Variants in TRIM43 observed in about 807,000 individuals in gnomAD.
TRIM43 encodes tripartite motif containing 43.
Under a neutral mutation model 27.7 loss-of-function variants are expected in TRIM43, and 12 were observed. That is an observed-to-expected ratio of 0.43 (90% CI 0.28 to 0.70). The LOEUF is 0.70. TRIM43 is among the 30% of genes least tolerant of loss of function. The pLI, the probability that TRIM43 is intolerant of heterozygous loss-of-function variation, is 0.17. For synonymous variants in TRIM43, 64 were observed against 121.9 expected, an observed-to-expected ratio of 0.52 and a Z score of 3.13; for missense variants, 186 against 356.5, an observed-to-expected ratio of 0.52 and a Z score of 3.85.
At chr2:95,593,749 T>TA (rs1685299472) in intron 1 of TRIM43, among the ~76,000 whole-genome samples, 1 of 151,800 alleles carries the variant, frequency 6.6e-6, no homozygotes, top group Non-Finnish European at 1.5e-5. Flanking sequence ...TGGTGGATAC[T>TA]AACACCTCAA....
At chr2:95,595,007 G>A (rs1685329249) in intron 2 of TRIM43, 43 bp from the exon 3 acceptor site, 3 of 1,587,110 alleles carry the variant, frequency 1.9e-6, no homozygotes, top group Admixed American at 1.7e-5. Flanking sequence ...TGGAATCTTT[G>A]GCATTTGACT....
In TRIM43 at chr2:95,595,133, C is replaced by A. The variant is rs771563970; in HGVS notation, c.495C>A (p.Ala165=). 1 of 1,611,792 alleles carries A rather than the reference C, an allele frequency of 6.2e-7. No individual in the cohort carries two copies. The highest frequency in any genetic ancestry group is 8.5e-7 in the Non-Finnish European group (1 of 1,178,884). ...QRNLYEEGRT[A]FLWRGNVVLR... Reference sequence around the variant, plus strand: ...ATCTATATGAGGAGGGAAGAACAGCCTTCCTCTGGAGGGTAAGTATGAGAC... The same window carrying A: ...ATCTATATGAGGAGGGAAGAACAGCATTCCTCTGGAGGGTAAGTATGAGAC... The change falls in exon 3 of 7, where the codon GCC becomes GCA. Residue 165 remains alanine, a synonymous_variant. Transcript: ENST00000272395.
At chr2:95,592,445 T>G (rs1475227198) in intron 1 of TRIM43, among the ~76,000 whole-genome samples, 1 of 151,740 alleles carries the variant, frequency 6.6e-6, no homozygotes, top group African/African-American at 2.4e-5. Context: ...CTTGGCTCAC[T>G]GCAACCTCCG....
At position 95,596,339 on chromosome 2, in the gene TRIM43, T is replaced by C. The variant is rs1685354575; in HGVS notation, c.645T>C (p.Ser215=). The C allele has an allele frequency of 6.2e-7, 1 of 1,607,068 alleles. No individual in the cohort carries two copies. The highest frequency in any genetic ancestry group is 8.5e-7 in the Non-Finnish European group (1 of 1,176,452). ...AGATTTTTCAGCAACTCCAGAGAAG[T>C]TGGGTCAAAATGGATCAAAAGAGTA... ...YQEIFQQLQR[S]WVKMDQKSKH... Residue 215 remains serine (S), a synonymous_variant, in exon 4 of 7, where the codon AGT becomes AGC. Transcript: ENST00000272395.
rs930747562 is a variant in TRIM43, at chr2:95,595,424, G to A, written c.507+279G>A. On this transcript the variant is annotated intron_variant, in intron 3 of 6. Transcript: ENST00000272395. ...TTCTGTATAAAATTAATTATGAAAT[G>A]TTGATTAAATAGTATATAATTGAGA... Among the ~76,000 whole-genome samples, 9 of 151,698 alleles carry A rather than the reference G, an allele frequency of 5.9e-5. 1 individual carries two copies. The South Asian group carries it at 6.2e-4, about 11-fold the overall frequency.
chr2:95,596,419 T>C lies in TRIM43; in HGVS notation c.725T>C (p.Val242Ala), dbSNP rs377272746. 15 of 1,601,772 alleles carry C rather than the reference T, an allele frequency of 9.4e-6. 2 individuals are homozygous for C. Among genetic ancestry groups the C allele is most frequent in the Non-Finnish European group, 1.0e-5 (12 of 1,172,336 alleles). ...ATGGAAATGTGTCATAAACCAGATG[T>C]GGAGCTGCTCCAGGTAAGAATGGAG... ...ELMEMCHKPD[V>A]ELLQDLGDIV... is the part of the protein sequence containing the mutation. Residue 242 changes from valine (V) to alanine (A), a missense_variant, in exon 4 of 7, where the codon GTG (valine) becomes GCG (alanine). Physicochemically the swap from Val to Ala is moderately conservative, Grantham distance 64. Transcript: ENST00000272395.
chr2:95,593,196 G>A lies in TRIM43; in HGVS notation c.-4-824G>A, dbSNP rs533523434. Among the ~76,000 whole-genome samples, 78 of 152,012 alleles carry A rather than the reference G, an allele frequency of 5.1e-4. 1 individual carries two copies. The highest frequency in any genetic ancestry group is 1.7e-3 in the African/African-American group (70 of 41,450). ...GCTCGGATTACAGGCGTGAGCCACC[G>A]TGCCCGGCCTCTAGTGCCTGTTATT... On this transcript the variant is annotated intron_variant, in intron 1 of 6. Transcript: ENST00000272395.
rs921835389 is a variant in TRIM43, at chr2:95,595,084, A to C, written c.446A>C (p.Lys149Thr). 2.4e-5 allele frequency: 39 copies of C among 1,612,188 alleles called. No homozygotes were observed. Among genetic ancestry groups the C allele is most frequent in the Non-Finnish European group, 3.2e-5 (38 of 1,178,964 alleles). The stretch of plus-strand genomic sequence containing the variant: ...TTAAAGCAAATGAGGATTTTATGGA[A>C]AAAGATTCAAGAAAATCAGAGAAAT... ...KLLKQMRILW[K>T]KIQENQRNLY... Residue 149 changes from lysine to threonine, a missense_variant, in exon 3 of 7, where the codon AAA becomes ACA. By Grantham distance (78) the Lys-to-Thr change is moderately conservative. Transcript: ENST00000272395.
chr2:95,596,103 G>C, intron 3 of TRIM43, 99 bp from the exon 4 acceptor site: 1 of 1,422,024 alleles, frequency 7.0e-7, no homozygotes, highest in East Asian at 2.5e-5. Flanking sequence ...GTTTGTAAAG[G>C]ATGGAAAATA....
chr2:95,596,515 A>T, intron 4 of TRIM43, 83 bp downstream of exon 4: 1 of 1,482,810 alleles, frequency 6.7e-7, no homozygotes, highest in South Asian at 1.4e-5. Context: ...CAAAGACATT[A>T]TTTCCTCATC....
intron 3 of TRIM43, among the ~76,000 whole-genome samples, chr2:95,595,627 G>T (rs1378089830): frequency 1.3e-5 from 2 of 150,226 alleles, no homozygotes; most frequent in Non-Finnish European, 3.0e-5. Flanking sequence ...GATAAAAAAT[G>T]ACTGGGGCAG....
intron 1 of TRIM43, 47 bp from the exon 2 acceptor site, chr2:95,593,973 G>C: frequency 6.5e-7 from 1 of 1,546,340 alleles, no homozygotes; most frequent in South Asian, 1.3e-5. Context: ...TTGGATCTTT[G>C]TCTCTCCAGG....
chr2:95,593,227 ATACT>A (rs1452250499), intron 1 of TRIM43, among the ~76,000 whole-genome samples: 10 of 152,000 alleles, frequency 6.6e-5, no homozygotes, highest in African/African-American at 1.4e-4. Flanking sequence ...TTATTGCATG[ATACT>A]TACTCTTTTC....
chr2:95,596,088 A>T, intron 3 of TRIM43, 114 bp from the exon 4 acceptor site: 1 of 1,180,348 alleles, frequency 8.5e-7, no homozygotes, highest in Non-Finnish European at 1.2e-6. Flanking sequence ...TTAACTCATC[A>T]TCCTGTTTGT....
chr2:95,592,747 TC>T (rs1223210221), intron 1 of TRIM43, among the ~76,000 whole-genome samples: 1 of 151,492 alleles, frequency 6.6e-6, no homozygotes, highest in African/African-American at 2.4e-5. Context: ...AGTCTAGAGT[TC>T]CTGAGCTCAA....
At chr2:95,595,442 A>G (rs1411563683) in intron 3 of TRIM43, among the ~76,000 whole-genome samples, 1 of 151,622 alleles carries the variant, frequency 6.6e-6, no homozygotes, top group Non-Finnish European at 1.5e-5. Flanking sequence ...AATAGTATAT[A>G]ATTGAGAAAT....
At chr2:95,596,063 G>GA (rs1395969711) in intron 3 of TRIM43, 139 bp from the exon 4 acceptor site, 1 of 657,204 alleles carries the variant, frequency 1.5e-6, no homozygotes, top group Non-Finnish European at 2.7e-6. Context: ...CATAAATTTT[G>GA]AAGGAAGGTC....
In TRIM43 at chr2:95,592,133, A is replaced by G. The variant is rs1685255226; in HGVS notation, c.-21A>G. ...TTCGACGGCAAGCTTTGGTGAGAAC[A>G]TAGATATATTTCTGAGGTAAGTACA... On this transcript the variant is annotated 5_prime_UTR_variant, in exon 1 of 7. Coordinates refer to ENST00000272395, the MANE Select transcript of TRIM43 (RefSeq NM_138800.3). 1.3e-5 allele frequency: 2 copies of G among 151,848 alleles called. No homozygotes were observed. The highest frequency in any genetic ancestry group is 4.1e-4 in the South Asian group (2 of 4,830). 9.4% of individuals were successfully genotyped at this position (151,848 alleles called of 1,614,324 possible).
At chr2:95,592,404 C>G (rs1482483673) in intron 1 of TRIM43, among the ~76,000 whole-genome samples, 3 of 151,692 alleles carry the variant, frequency 2.0e-5, no homozygotes, top group African/African-American at 7.3e-5. Context: ...TGGAATCACG[C>G]TCTATTGCCA....
Sources: gnomAD v4.1 joint callset for allele counts (sites outside exome capture counted in the v4.1 genomes callset) on GRCh38, gnomAD v4.1.1 for gene constraint, MANE v1.5 for transcripts, NCBI Gene and HGNC (gene_info 2026-07-23, HGNC 2026-07-21) for gene names.